Variants in EFEMP2 observed in about 807,000 individuals in gnomAD.
EFEMP2 encodes the protein EGF-containing fibulin-like extracellular matrix protein 2.
In EFEMP2, 21 loss-of-function variants were observed where a neutral mutation model predicts 55.3. The ratio of observed to expected loss-of-function variants is 0.38; its 90% confidence interval spans 0.27 to 0.55. EFEMP2 has a LOEUF of 0.55. Ranked by LOEUF, EFEMP2 falls within the 20% of genes least tolerant of loss-of-function variation. The pLI is 0.77. For synonymous variants in EFEMP2, 275 were observed against 242.3 expected, an observed-to-expected ratio of 1.14 and a Z score of -1.25; for missense variants, 513 against 615.1, an observed-to-expected ratio of 0.83 and a Z score of 1.76.
intron 4 of EFEMP2, 155 bp downstream of exon 4, chr11:65,871,002 G>C: frequency 1.0e-6 from 1 of 963,252 alleles, no homozygotes; most frequent in Non-Finnish European, 1.6e-6. Context: ...ACACAAGCTG[G>C]GGCCACCTGC....
chr11:65,868,839 A>G (rs1859913318), intron 7 of EFEMP2: 3 of 603,910 alleles, frequency 5.0e-6, no homozygotes, highest in Non-Finnish European at 8.7e-6. Flanking sequence ...CTCTGCCCAG[A>G]ACTGGAAGAA....
rs1258442287 is a variant in EFEMP2 at position 65,867,095 on chromosome 11, T to A, written c.1171-16A>T. 1 of 1,613,596 alleles carries A rather than the reference T, an allele frequency of 6.2e-7. No individual in the cohort carries two copies. The highest frequency in any genetic ancestry group is 2.2e-5 in the East Asian group (1 of 44,850). On this transcript the variant is annotated splice_polypyrimidine_tract_variant and intron_variant, in intron 10 of 10. Coordinates refer to ENST00000307998, the MANE Select transcript of EFEMP2 (RefSeq NM_016938.5). The stretch of plus-strand genomic sequence containing the variant: ...TGTTGATTTGCTGCAGGGCAGTGGG[T>A]GGGGGGACATATATATTGTGTCAGC...
Position 65,870,629 on chromosome 11 carries a change from C to T in EFEMP2, c.397G>A (p.Asp133Asn), listed in dbSNP as rs766172211. 27 of 1,614,068 alleles carry T rather than the reference C, an allele frequency of 1.7e-5. No homozygotes were observed. Among genetic ancestry groups the T allele is most frequent in the South Asian group, 2.2e-5 (2 of 91,074 alleles). The change falls in exon 5 of 11, where the codon GAC becomes AAC. Residue 133 changes from aspartate (D) to asparagine (N), a missense_variant. Physicochemically the swap from Asp to Asn is conservative, Grantham distance 23. Coordinates refer to ENST00000307998, the MANE Select transcript of EFEMP2 (RefSeq NM_016938.5). The part of the protein sequence containing the change: ...DVDECAQALH[D>N]CRPSQDCHNL... ...TGGCAGTCCTGGCTGGGGCGACAGT[C>T]GTGCAGGGCCTGGGCACACTCGTCC...
rs761656636 is a variant in EFEMP2, at chr11:65,870,545, C to T, written c.481G>A (p.Glu161Lys). The change falls in exon 5 of 11, where the codon GAG (glutamate) becomes AAG (lysine). Residue 161 changes from glutamate (E) to lysine (K), a missense_variant. By Grantham distance (56) the Glu-to-Lys change is moderately conservative. Transcript: ENST00000307998. ...TGCTTCCTGGACTCACCCACACACT[C>T]GGGCCCGATCTTGCGGTAACCATCA... is the stretch of plus-strand genomic sequence containing the variant. ...CPDGYRKIGPECVDIDECRYR... is the reference protein window; with the variant it reads ...CPDGYRKIGPKCVDIDECRYR... The T allele has an allele frequency of 1.4e-5, 23 of 1,613,928 alleles. No homozygotes were observed. Among genetic ancestry groups the T allele is most frequent in the East Asian group, 2.2e-5 (1 of 44,844 alleles).
At position 65,867,911 on chromosome 11, in the gene EFEMP2, T is replaced by C. The variant is rs1226356847; in HGVS notation, c.1120A>G (p.Asn374Asp). Residue 374 changes from asparagine (N) to aspartate (D), a missense_variant, in exon 10 of 11, where the codon AAT becomes GAT. Asn to Asp is a conservative substitution (Grantham distance 23). Coordinates refer to ENST00000307998, the MANE Select transcript of EFEMP2 (RefSeq NM_016938.5). ...QATSVYPGAY[N>D]AFQIRAGNSQ... is the part of the protein sequence containing the mutation. The stretch of plus-strand genomic sequence containing the variant: ...TTTCCAGCACGGATCTGAAAGGCAT[T>C]GTAGGCACCGGGGTAGACGGAGGTC... 1.9e-6 allele frequency: 3 copies of C among 1,613,978 alleles called. No individual in the cohort carries two copies. Among genetic ancestry groups the C allele is most frequent in the Middle Eastern group, 1.6e-4 (1 of 6,084 alleles).
chr11:65,870,385 A>G, intron 5 of EFEMP2, 148 bp from the exon 6 acceptor site: 1 of 1,419,890 alleles, frequency 7.0e-7, no homozygotes, highest in Admixed American at 1.8e-5. Context: ...CCTCCCAAAC[A>G]CTCCCCGCTA....
In EFEMP2 at chr11:65,867,031, C is replaced by T. The variant is rs1859861869; in HGVS notation, c.1219G>A (p.Gly407Ser). Residue 407 changes from glycine to serine, a missense_variant, in exon 11 of 11, where the codon GGC becomes AGC. Coordinates refer to ENST00000307998, the MANE Select transcript of EFEMP2 (RefSeq NM_016938.5). ...AGGTCCAGCACGTACTCCCGGGGGC[C>T]CGTCACCGGCCGGGCGAGGACCAGC... ...AMLVLARPVT[G>S]PREYVLDLEM... is the part of the protein sequence containing the mutation. 6.2e-7 allele frequency: 1 copy of T among 1,614,130 alleles called. No homozygotes were observed. The highest frequency in any genetic ancestry group is 2.2e-5 in the East Asian group (1 of 44,878).
intron 10 of EFEMP2, 148 bp downstream of exon 10, chr11:65,867,713 A>G: frequency 2.5e-6 from 2 of 805,158 alleles, no homozygotes; most frequent in Non-Finnish European, 2.1e-6. Context: ...CATTTAGAGT[A>G]CCCCCGTCTT....
rs111545100 is a variant in EFEMP2 at position 65,867,162 on chromosome 11, G to A, written c.1171-83C>T. 8.1e-5 allele frequency: 126 copies of A among 1,563,698 alleles called. 1 individual carries two copies. The East Asian group carries it at 1.6e-3, about 20-fold the overall frequency. On this transcript the variant is annotated intron_variant, in intron 10 of 10. Transcript: ENST00000307998. The stretch of plus-strand genomic sequence containing the variant: ...TGCCCCAGCGTCACCTCCCTGCCCC[G>A]TGGCCGTGAGGCAGAGGAACAGCCC...
intron 5 of EFEMP2, 133 bp from the exon 6 acceptor site, chr11:65,870,370 G>A (rs1859944464): frequency 1.4e-6 from 2 of 1,411,214 alleles, no homozygotes; most frequent in South Asian, 1.2e-5. Context: ...GGGTCAGCCA[G>A]GACACCTCCC....
intron 10 of EFEMP2, 123 bp from the exon 11 acceptor site, chr11:65,867,202 C>A: frequency 8.5e-7 from 1 of 1,178,320 alleles, no homozygotes; most frequent in Non-Finnish European, 1.2e-6. Context: ...CAGGCTGCCA[C>A]CCCAGCCTCT....
intron 9 of EFEMP2, 25 bp from the exon 10 acceptor site, chr11:65,868,081 CAAAT>C: frequency 6.2e-7 from 1 of 1,611,344 alleles, no homozygotes; most frequent in Non-Finnish European, 8.5e-7. Flanking sequence ...GTGGGGGACA[CAAAT>C]GAGCTCCTTG....
chr11:65,868,703 G>T, intron 7 of EFEMP2, 74 bp from the exon 8 acceptor site: 1 of 1,596,424 alleles, frequency 6.3e-7, no homozygotes, highest in Non-Finnish European at 8.5e-7. Context: ...CATTTCCCAA[G>T]AAGGCCCAGC....
chr11:65,871,411 T>C, intron 3 of EFEMP2, 48 bp from the exon 4 acceptor site: 4 of 1,578,594 alleles, frequency 2.5e-6, no homozygotes, highest in Non-Finnish European at 3.5e-6. Context: ...GGGCTGGCCC[T>C]GGAGGGAGCG....
At chr11:65,870,337 T>TCA in intron 5 of EFEMP2, 100 bp from the exon 6 acceptor site, 1 of 1,430,140 alleles carries the variant, frequency 7.0e-7, no homozygotes, top group Non-Finnish European at 9.8e-7. Context: ...CATAATCCTG[T>TCA]GTCCGAGGAG....
chr11:65,872,175 T>A, intron 2 of EFEMP2, 69 bp downstream of exon 2: 1 of 1,506,010 alleles, frequency 6.6e-7, no homozygotes, highest in Non-Finnish European at 9.0e-7. Context: ...CCGGCAGCAG[T>A]CACCCTGGGT....
At chr11:65,871,608 C>T (rs1859966290) in intron 3 of EFEMP2, 13 of 601,122 alleles carry the variant, frequency 2.2e-5, no homozygotes, top group East Asian at 1.1e-4. Context: ...TCCCTCCCCA[C>T]GGCCCTAGCC....
At chr11:65,871,945 T>A in intron 3 of EFEMP2, 25 bp downstream of exon 3, 1 of 1,550,912 alleles carries the variant, frequency 6.4e-7, no homozygotes, top group Non-Finnish European at 8.7e-7. Flanking sequence ...TTCCTGGGGG[T>A]GTTTGGTCCC....
rs1276045574 is a variant in EFEMP2, at chr11:65,867,922, G to T, written c.1109C>A (p.Pro370His). The change falls in exon 10 of 11, where the codon CCC becomes CAC. Residue 370 changes from proline to histidine, a missense_variant. Physicochemically the swap from Pro to His is moderately conservative, Grantham distance 77. Transcript: ENST00000307998. ...VFQIQATSVY[P>H]GAYNAFQIRA... Reference sequence around the variant, plus strand: ...GATCTGAAAGGCATTGTAGGCACCGGGGTAGACGGAGGTCGCCTGGATCTG... The same window carrying T: ...GATCTGAAAGGCATTGTAGGCACCGTGGTAGACGGAGGTCGCCTGGATCTG... 1.9e-6 allele frequency: 3 copies of T among 1,614,150 alleles called. No homozygotes were observed. Among genetic ancestry groups the T allele is most frequent in the Non-Finnish European group, 2.5e-6 (3 of 1,180,040 alleles).
Sources: gnomAD v4.1 joint callset for allele counts on GRCh38, gnomAD v4.1.1 for gene constraint, MANE v1.5 for transcripts, NCBI Gene and HGNC (gene_info 2026-07-23, HGNC 2026-07-21) for gene names.